The following ACVR2A variants were observed in gnomAD, a reference collection of about 807,000 sequenced individuals.
ACVR2A encodes activin receptor type-2A.
A neutral mutation model predicts 61.4 loss-of-function variants in ACVR2A; 7 were observed. The observed-to-expected ratio is 0.11, with a 90% confidence interval of 0.06 to 0.21. The LOEUF (loss-of-function observed/expected upper bound fraction) is 0.21, where lower values mean the gene tolerates loss of function less well. Ranked by LOEUF, ACVR2A falls within the 10% of genes least tolerant of loss-of-function variation. The pLI is 1.00. For synonymous variants in ACVR2A, 193 were observed against 208.3 expected (o/e 0.93, Z 0.63); for missense variants, 322 against 621.7 (o/e 0.52, Z 5.13).
chr2:147,845,213 T>G lies in ACVR2A; in HGVS notation c.55+6T>G. On this transcript the variant is annotated splice_donor_region_variant and intron_variant, in intron 1 of 10. Transcript: ENST00000241416. Reference sequence around the variant, plus strand: ...TCTTATCTCCTGTTCTTCAGGTAGGTGCAGGGAGCGCGGCGCGGTGGGGCT... The same window carrying G: ...TCTTATCTCCTGTTCTTCAGGTAGGGGCAGGGAGCGCGGCGCGGTGGGGCT... The G allele has an allele frequency of 6.2e-7, 1 of 1,611,892 alleles. No individual in the cohort carries two copies. Among genetic ancestry groups the G allele is most frequent in the Non-Finnish European group, 8.5e-7 (1 of 1,179,454 alleles).
intron 8 of ACVR2A, among the ~76,000 whole-genome samples, chr2:147,920,600 AC>A (rs1450181678): frequency 1.3e-5 from 2 of 152,118 alleles, no homozygotes; most frequent in African/African-American, 2.4e-5. Flanking sequence ...AGAATAATCC[AC>A]CACCTTTTAA....
At chr2:147,844,972 T>C, upstream of ACVR2A, 1 of 451,956 alleles carries the variant, frequency 2.2e-6, no homozygotes, top group South Asian at 3.4e-5. Flanking sequence ...TGCTCTTTTT[T>C]TTCTTTTTTT....
rs781487124 is a variant in ACVR2A, at chr2:147,927,670, T to C, written c.*396T>C. 4.4e-4 allele frequency: 68 copies of C among 156,242 alleles called. No homozygotes were observed. The highest frequency in any genetic ancestry group is 8.5e-4 in the Non-Finnish European group (60 of 70,662). 9.7% of individuals were successfully genotyped at this position (156,242 alleles called of 1,614,324 possible). On this transcript the variant is annotated 3_prime_UTR_variant, in exon 11 of 11. Transcript: ENST00000241416. Reference sequence around the variant, plus strand: ...GCTATTTTTTTTAAATCAAAAACTTTTCATTTCAGATTTTAAAAAGGGTAA... The same window carrying C: ...GCTATTTTTTTTAAATCAAAAACTTCTCATTTCAGATTTTAAAAAGGGTAA...
At chr2:147,917,533 T>A in intron 6 of ACVR2A, 107 bp downstream of exon 6, 1 of 1,164,664 alleles carries the variant, frequency 8.6e-7, no homozygotes, top group Non-Finnish European at 1.2e-6. Flanking sequence ...TATAGTTGAT[T>A]AATATTTAAC....
At chr2:147,904,959 G>C (rs1686953541) in intron 4 of ACVR2A, among the ~76,000 whole-genome samples, 1 of 151,948 alleles carries the variant, frequency 6.6e-6, no homozygotes, top group Non-Finnish European at 1.5e-5. Context: ...GTTGACTACT[G>C]ATTGGAGTTT....
chr2:147,867,791 C>T (rs1405949824), intron 1 of ACVR2A, among the ~76,000 whole-genome samples: 1 of 152,064 alleles, frequency 6.6e-6, no homozygotes, highest in Non-Finnish European at 1.5e-5. Context: ...CACGCAGTAC[C>T]CCCAAGATTA....
intron 1 of ACVR2A, among the ~76,000 whole-genome samples, chr2:147,894,240 C>T (rs1469385366): frequency 2.0e-5 from 3 of 152,042 alleles, no homozygotes; most frequent in Admixed American, 6.6e-5. Context: ...TCTGTCTTTT[C>T]ACTATAACCA....
At chr2:147,922,261 T>C (rs945266713) in intron 8 of ACVR2A, among the ~76,000 whole-genome samples, 1 of 152,120 alleles carries the variant, frequency 6.6e-6, no homozygotes, top group African/African-American at 2.4e-5. Context: ...ACTTTTAGTC[T>C]AGAGTAGAGA....
rs1687583444 is a variant in ACVR2A, at chr2:147,929,014, T to G, written c.*1740T>G. ...ACCACACAGTACACTACATTTTACA[T>G]ATATGTACGTAATCTCTGGGAATAG... On this transcript the variant is annotated 3_prime_UTR_variant, in exon 11 of 11. Coordinates refer to ENST00000241416, the MANE Select transcript of ACVR2A (RefSeq NM_001616.5). 1 of 152,458 alleles carries G rather than the reference T, an allele frequency of 6.6e-6. No individual in the cohort carries two copies. The highest frequency in any genetic ancestry group is 2.1e-4 in the South Asian group (1 of 4,826). 9.4% of individuals were successfully genotyped at this position (152,458 alleles called of 1,614,324 possible).
At chr2:147,851,813 C>G (rs1685456712) in intron 1 of ACVR2A, among the ~76,000 whole-genome samples, 1 of 152,068 alleles carries the variant, frequency 6.6e-6, no homozygotes, top group Non-Finnish European at 1.5e-5. Flanking sequence ...CCTTTATCCA[C>G]ACACCCATTC....
chr2:147,926,116 T>C lies in ACVR2A; in HGVS notation c.1302T>C (p.His434=), dbSNP rs757215901. The C allele has an allele frequency of 3.7e-6, 6 of 1,610,834 alleles. No homozygotes were observed. The highest frequency in any genetic ancestry group is 3.4e-6 in the Non-Finnish European group (4 of 1,177,994). Residue 434 remains histidine, a synonymous_variant, in exon 10 of 11, where the codon CAT becomes CAC. Coordinates refer to ENST00000241416, the MANE Select transcript of ACVR2A (RefSeq NM_001616.5). ...SLEDMQEVVV[H]KKKRPVLRDY... The stretch of plus-strand genomic sequence containing the variant: ...AAGACATGCAGGAAGTTGTTGTGCA[T>C]AAAAAAAAGAGGCCTGTTTTAAGAG...
intron 1 of ACVR2A, among the ~76,000 whole-genome samples, chr2:147,881,657 GTGTGGT>G: frequency 7.9e-6 from 1 of 125,802 alleles, no homozygotes; most frequent in African/African-American, 2.7e-5. Context: ...GTGTGTGTGT[GTGTGGT>G]TTTTTTTATA....
At chr2:147,850,544 T>TGAC (rs1039544809) in intron 1 of ACVR2A, among the ~76,000 whole-genome samples, 4 of 152,184 alleles carry the variant, frequency 2.6e-5, no homozygotes, top group African/African-American at 9.6e-5. Flanking sequence ...AGCCAAAATT[T>TGAC]GACTAGAACC....
At chr2:147,905,251 G>A (rs1686961518) in intron 4 of ACVR2A, among the ~76,000 whole-genome samples, 1 of 151,598 alleles carries the variant, frequency 6.6e-6, no homozygotes, top group Admixed American at 6.6e-5. Context: ...TCCACAACTG[G>A]CTTATTTTAA....
chr2:147,901,670 AAAAT>A (rs1349894909), intron 4 of ACVR2A, among the ~76,000 whole-genome samples: 3 of 152,052 alleles, frequency 2.0e-5, no homozygotes, highest in African/African-American at 7.2e-5. Context: ...GAATTTCTGA[AAAAT>A]AAGGAAGAAA....
intron 8 of ACVR2A, 141 bp from the exon 9 acceptor site, chr2:147,922,832 G>C: frequency 1.3e-6 from 1 of 749,464 alleles, no homozygotes; most frequent in Non-Finnish European, 2.1e-6. Flanking sequence ...TACGCAGAAA[G>C]GATCTTTCTA....
chr2:147,855,170 G>A (rs1390361706), intron 1 of ACVR2A, among the ~76,000 whole-genome samples: 1 of 152,116 alleles, frequency 6.6e-6, no homozygotes, highest in Admixed American at 6.5e-5. Flanking sequence ...GTGAGCCACC[G>A]CGCCTGGCCT....
chr2:147,924,900 C>T (rs1295358608), intron 9 of ACVR2A, among the ~76,000 whole-genome samples: 2 of 151,814 alleles, frequency 1.3e-5, no homozygotes, highest in Admixed American at 6.6e-5. Context: ...GAATAGACAC[C>T]TTAGAATGTC....
At chr2:147,920,556 C>G (rs1404246851) in intron 8 of ACVR2A, among the ~76,000 whole-genome samples, 1 of 152,130 alleles carries the variant, frequency 6.6e-6, no homozygotes, top group Non-Finnish European at 1.5e-5. Context: ...CCCTTAGACA[C>G]ACGTCATAGG....
Sources: allele counts gnomAD v4.1 joint callset (sites outside exome capture counted in the v4.1 genomes callset), GRCh38; gene constraint gnomAD v4.1.1; transcripts MANE v1.5; gene names NCBI Gene and HGNC (gene_info 2026-07-23, HGNC 2026-07-21).